The following CBLB variants were observed in gnomAD, a reference collection of about 807,000 sequenced individuals.
CBLB encodes E3 ubiquitin-protein ligase CBL-B.
A neutral mutation model predicts 104.9 loss-of-function variants in CBLB; 31 were observed. That is an observed-to-expected ratio of 0.30 (90% confidence interval 0.22 to 0.40). CBLB has a LOEUF of 0.40. Among genes scored for constraint, CBLB ranks in the 10% least tolerant of loss-of-function variants. CBLB has a pLI of 1.00. For missense variants in CBLB, 1,062 were observed against 1,214.6 expected (o/e 0.87, Z 1.87); for synonymous variants, 440 against 422.6 (o/e 1.04, Z -0.51).
chr3:105,831,348 T>C (rs554252914), intron 3 of CBLB, among the ~76,000 whole-genome samples: 3 of 152,332 alleles, frequency 2.0e-5, no homozygotes, highest in South Asian at 4.1e-4. Context: ...ATAGCTCAAA[T>C]ACATTTCCCC....
Position 105,745,947 on chromosome 3 carries a change from C to A in CBLB, c.815G>T (p.Arg272Leu). ...GGGTTTGGTGCTATATTTCTGTAGTCGTGCTTTAACTTCATCATATGTGAG... is the reference window on the plus strand; with the variant it reads ...GGGTTTGGTGCTATATTTCTGTAGTAGTGCTTTAACTTCATCATATGTGAG... ...AFLTYDEVKA[R>L]LQKYSTKPGS... is the part of the protein sequence containing the mutation. Residue 272 changes from arginine (R) to leucine (L), a missense_variant, in exon 6 of 19, where the codon CGA becomes CTA. Arg to Leu is a moderately radical substitution (Grantham distance 102). This residue lies in a region of CBLB where 457 missense variants were observed against 632.0 expected (regional missense o/e 0.72). Coordinates refer to ENST00000394030, the MANE Select transcript of CBLB (RefSeq NM_170662.5). 2.5e-6 allele frequency: 4 copies of A among 1,612,076 alleles called. No individual in the cohort carries two copies. In the South Asian group the frequency reaches 3.3e-5, roughly 13 times the overall value.
intron 2 of CBLB, among the ~76,000 whole-genome samples, chr3:105,857,369 G>A (rs990549486): frequency 1.3e-5 from 2 of 152,100 alleles, no homozygotes; most frequent in African/African-American, 2.4e-5. Flanking sequence ...AATTATAGAT[G>A]ACTAGAACAT....
intron 17 of CBLB, chr3:105,672,303 A>G (rs1403471337): frequency 3.3e-5 from 6 of 181,470 alleles, no homozygotes; most frequent in Non-Finnish European, 7.1e-5. Context: ...GGTACTAGAT[A>G]CACTCAAAAT....
At chr3:105,845,328 G>A (rs2090093607) in intron 3 of CBLB, among the ~76,000 whole-genome samples, 2 of 148,256 alleles carry the variant, frequency 1.3e-5, no homozygotes. Context: ...ATAAGTTTTA[G>A]TTACTAAGAA....
intron 3 of CBLB, among the ~76,000 whole-genome samples, chr3:105,841,840 A>C (rs1274145389): frequency 2.6e-5 from 4 of 152,146 alleles, no homozygotes; most frequent in Non-Finnish European, 5.9e-5. Flanking sequence ...AGAACATGAG[A>C]TACATTATGG....
rs769410928 is a variant in CBLB at position 105,704,135 on chromosome 3, T to G, written c.1446A>C (p.Gly482=). The G allele has an allele frequency of 6.2e-7, 1 of 1,614,056 alleles. No homozygotes were observed. Residue 482 remains glycine, a synonymous_variant, in exon 11 of 19, where the codon GGA becomes GGC. Transcript: ENST00000394030. The part of the protein sequence containing the change: ...DRQNSPVTSP[G]SSPLAQRRKP... ...TTCTTCTCTGGGCAAGGGGAGAGGA[T>G]CCTGGTGATGTGACTGGTGAGTTCT...
intron 3 of CBLB, among the ~76,000 whole-genome samples, chr3:105,832,221 C>T (rs2153080054): frequency 6.6e-6 from 1 of 152,212 alleles, no homozygotes; most frequent in East Asian, 1.9e-4. Flanking sequence ...ACCCCAACAG[C>T]ACCTCTGTTA....
chr3:105,790,638 A>T (rs1296774351), intron 3 of CBLB, among the ~76,000 whole-genome samples: 7 of 152,206 alleles, frequency 4.6e-5, no homozygotes, highest in Admixed American at 4.6e-4. Flanking sequence ...ACAATTACAT[A>T]CACTCTAACT....
chr3:105,711,843 G>A (rs998839385), intron 10 of CBLB, among the ~76,000 whole-genome samples: 66 of 152,216 alleles, frequency 4.3e-4, no homozygotes, highest in Non-Finnish European at 8.7e-4. Flanking sequence ...TTCAAAGGCT[G>A]AATTACTGTC....
intron 4 of CBLB, among the ~76,000 whole-genome samples, chr3:105,772,115 C>T (rs373180832): frequency 7.2e-5 from 11 of 152,232 alleles, no homozygotes; most frequent in African/African-American, 2.4e-4. Flanking sequence ...CACTATCTGA[C>T]CTCAAATTAC....
chr3:105,784,544 T>C (rs954471934), intron 3 of CBLB, among the ~76,000 whole-genome samples: 1 of 152,228 alleles, frequency 6.6e-6, no homozygotes, highest in African/African-American at 2.4e-5. Flanking sequence ...TTAAGTTTCT[T>C]ATTATTTGCT....
At chr3:105,783,609 G>A (rs1444798728) in intron 3 of CBLB, among the ~76,000 whole-genome samples, 2 of 152,158 alleles carry the variant, frequency 1.3e-5, no homozygotes, top group Non-Finnish European at 2.9e-5. Context: ...GAAGATGACA[G>A]AATCCTATAC....
At position 105,747,038 on chromosome 3, in the gene CBLB, A is replaced by T. The variant is rs1009105228; in HGVS notation, c.724-1000T>A. Among the ~76,000 whole-genome samples, 6 of 152,346 alleles carry T rather than the reference A, an allele frequency of 3.9e-5. No individual in the cohort carries two copies. The East Asian group carries it at 5.8e-4, about 15-fold the overall frequency. ...GTTACATAAAAACAAAACTTTTCAC[A>T]GAAGTATTTGGTTTGTACCACTGTA... On this transcript the variant is annotated intron_variant, in intron 5 of 18. Coordinates refer to ENST00000394030, the MANE Select transcript of CBLB (RefSeq NM_170662.5).
Position 105,740,566 on chromosome 3 carries a change from C to A in CBLB, c.911G>T (p.Gly304Val). ...QWAIGYVTGD[G>V]NILQTIPHNK... ...ATGAGGTATGGTCTGTAAGATATTCCCATCCCCAGTCACATAGCCAATGGC... is the reference window on the plus strand; with the variant it reads ...ATGAGGTATGGTCTGTAAGATATTCACATCCCCAGTCACATAGCCAATGGC... Residue 304 changes from glycine to valine, a missense_variant, in exon 7 of 19, where the codon GGG becomes GTG. Physicochemically the swap from Gly to Val is moderately radical, Grantham distance 109. Coordinates refer to ENST00000394030, the MANE Select transcript of CBLB (RefSeq NM_170662.5). 1 of 1,613,948 alleles carries A rather than the reference C, an allele frequency of 6.2e-7. No individual in the cohort carries two copies.
chr3:105,719,879 T>C (rs1163906367), intron 10 of CBLB, among the ~76,000 whole-genome samples, 168 bp downstream of exon 10: 2 of 152,056 alleles, frequency 1.3e-5, no homozygotes, highest in Non-Finnish European at 1.5e-5. Flanking sequence ...GATGTGGAGG[T>C]AGAAGACAGT....
chr3:105,853,755 T>A (rs1033323044), intron 2 of CBLB, 91 bp from the exon 3 acceptor site: 37 of 854,850 alleles, frequency 4.3e-5, no homozygotes, highest in Middle Eastern at 3.4e-4. Flanking sequence ...TTTCTTCATT[T>A]TTCCATAATA....
intron 14 of CBLB, among the ~76,000 whole-genome samples, chr3:105,682,871 T>C (rs1218422373): frequency 6.6e-6 from 1 of 152,278 alleles, no homozygotes; most frequent in African/African-American, 2.4e-5. Context: ...CATGGGAAGA[T>C]AGCAGCAGGA....
At chr3:105,869,195 T>A (rs1706748828), upstream of CBLB, 1 of 621,670 alleles carries the variant, frequency 1.6e-6, no homozygotes, top group African/African-American at 1.9e-5. Context: ...CAGTACACAA[T>A]GGCCCCAGAG....
At chr3:105,844,465 GT>G (rs1367627893) in intron 3 of CBLB, among the ~76,000 whole-genome samples, 1 of 152,122 alleles carries the variant, frequency 6.6e-6, no homozygotes, top group Non-Finnish European at 1.5e-5. Context: ...GTTCTTCAAT[GT>G]TTCCACTGAA....
Sources: gnomAD v4.1 joint callset for allele counts (sites outside exome capture counted in the v4.1 genomes callset) on GRCh38, gnomAD v4.1.1 for gene constraint, gnomAD v4.1.1 regional missense constraint, MANE v1.5 for transcripts, NCBI Gene and HGNC (gene_info 2026-07-23, HGNC 2026-07-21) for gene names.